NAA11: variants seen among roughly 807,000 people sequenced by gnomAD.
NAA11 encodes N-alpha-acetyltransferase 11.
Under a neutral mutation model 16.1 loss-of-function variants are expected in NAA11, and 15 were observed. That is an observed-to-expected ratio of 0.93 (90% CI 0.62 to 1.44). The LOEUF (loss-of-function observed/expected upper bound fraction) is 1.44. Among genes scored for constraint, NAA11 ranks in the 40% most tolerant of loss-of-function variants. The pLI is 0.00. For missense variants in NAA11, 298 were observed against 291.3 expected (o/e 1.02, Z -0.17); for synonymous variants, 122 against 112.4 (o/e 1.09, Z -0.54).
chr4:79,315,083 T>C (rs895695989), downstream of NAA11, among the ~76,000 whole-genome samples: 3 of 152,018 alleles, frequency 2.0e-5, no homozygotes, highest in African/African-American at 4.8e-5. Context: ...GTCCAAGGGT[T>C]GGAGATGAGC....
intron 2 of NAA11, among the ~76,000 whole-genome samples, chr4:79,270,086 A>G (rs1427286968): frequency 6.6e-6 from 1 of 150,590 alleles, no homozygotes; most frequent in East Asian, 2.0e-4. Flanking sequence ...TACCAGTACC[A>G]TGCTGTTTTG....
the NAA11 span, among the ~76,000 whole-genome samples, chr4:79,189,715 C>T: frequency 6.6e-6 from 1 of 152,186 alleles, no homozygotes; most frequent in African/African-American, 2.4e-5. Flanking sequence ...ACATTGCCAT[C>T]CCCTATCTGA....
chr4:79,227,115 G>A (rs1486226343), intron 2 of NAA11: 19 of 151,952 alleles, frequency 1.3e-4, no homozygotes, highest in Middle Eastern at 3.1e-3. Context: ...TTTAATGATC[G>A]CCATTCTGAC....
At chr4:79,280,853 A>C (rs1722769235) in intron 2 of NAA11, among the ~76,000 whole-genome samples, 1 of 152,052 alleles carries the variant, frequency 6.6e-6, no homozygotes, top group Admixed American at 6.6e-5. Context: ...ATATAAAGAA[A>C]GTTATAGGGA....
At chr4:79,190,097 G>A in the NAA11 span, among the ~76,000 whole-genome samples, 1 of 152,168 alleles carries the variant, frequency 6.6e-6, no homozygotes, top group African/African-American at 2.4e-5. Flanking sequence ...ATTATCATGT[G>A]TAAAGCACTT....
the NAA11 span, among the ~76,000 whole-genome samples, chr4:79,198,869 T>A: frequency 1.3e-5 from 2 of 151,846 alleles, no homozygotes; most frequent in African/African-American, 4.8e-5. Flanking sequence ...ACTTAAAAAA[T>A]TTCATATTCA....
the NAA11 span, among the ~76,000 whole-genome samples, chr4:79,212,344 G>A: frequency 6.6e-6 from 1 of 151,994 alleles, no homozygotes; most frequent in South Asian, 2.1e-4. Flanking sequence ...TTCTCCCAAG[G>A]TCTGTTTTGA....
downstream of NAA11, among the ~76,000 whole-genome samples, chr4:79,224,437 G>A (rs988297106): frequency 4.6e-5 from 7 of 152,074 alleles, no homozygotes; most frequent in African/African-American, 1.7e-4. Context: ...ACGTAATTAC[G>A]TGATGATTGA....
chr4:79,222,715 A>G (rs1282292604), downstream of NAA11, among the ~76,000 whole-genome samples: 4 of 147,894 alleles, frequency 2.7e-5, no homozygotes, highest in Admixed American at 6.8e-5. Context: ...GCAACCTACA[A>G]AATGGGAGAA....
intron 2 of NAA11, among the ~76,000 whole-genome samples, chr4:79,291,853 T>C (rs1723094893): frequency 6.6e-6 from 1 of 152,196 alleles, no homozygotes; most frequent in Non-Finnish European, 1.5e-5. Flanking sequence ...TAGGACATAG[T>C]AATAGTAAAT....
At chr4:79,325,067 TA>T in intron 1 of NAA11, 108 bp downstream of exon 1, 2 of 1,037,624 alleles carry the variant, frequency 1.9e-6, no homozygotes, top group Non-Finnish European at 2.7e-6. Flanking sequence ...GTTTTTACCG[TA>T]AAATCTCGCA....
chr4:79,280,790 G>T (rs1481696769), intron 2 of NAA11, among the ~76,000 whole-genome samples: 1 of 152,002 alleles, frequency 6.6e-6, no homozygotes, highest in Admixed American at 6.6e-5. Flanking sequence ...TAAAATGTGT[G>T]TGCATGAACT....
chr4:79,265,297 T>C (rs1372405597), intron 2 of NAA11, among the ~76,000 whole-genome samples: 2 of 152,168 alleles, frequency 1.3e-5, no homozygotes, highest in African/African-American at 2.4e-5. Flanking sequence ...TCCAAACTGG[T>C]ATTCCTTTTT....
At chr4:79,256,224 C>A (rs557846302) in intron 2 of NAA11, among the ~76,000 whole-genome samples, 5 of 152,098 alleles carry the variant, frequency 3.3e-5, no homozygotes, top group African/African-American at 7.2e-5. Context: ...CAATTTAATT[C>A]TTTTCTCTTA....
the NAA11 span, among the ~76,000 whole-genome samples, chr4:79,188,581 C>T: frequency 2.4e-4 from 35 of 145,932 alleles, 2 homozygotes; most frequent in Admixed American, 1.4e-4. Flanking sequence ...CGAGACTCCG[C>T]CTCAAAAAAA....
chr4:79,325,651 G>T lies in NAA11; in HGVS notation c.227C>A (p.Ala76Asp), dbSNP rs200538315. 4.0e-5 allele frequency: 65 copies of T among 1,613,962 alleles called. No individual in the cohort carries two copies. Among genetic ancestry groups the T allele is most frequent in the Non-Finnish European group, 5.4e-5 (64 of 1,179,956 alleles). Residue 76 changes from alanine to aspartate, a missense_variant, in exon 1 of 2, where the codon GCC becomes GAC. Transcript: ENST00000286794. ...DVPHGHITSL[A>D]VKRSHRRLGL... The stretch of plus-strand genomic sequence containing the variant: ...GAGGCGCCGGTGTGAACGCTTCACG[G>T]CCAGTGAGGTGATATGGCCATGCGG...
At chr4:79,272,953 T>TA (rs1460638744) in intron 2 of NAA11, among the ~76,000 whole-genome samples, 2 of 151,958 alleles carry the variant, frequency 1.3e-5, no homozygotes, top group African/African-American at 4.8e-5. Context: ...TCTACATAGC[T>TA]ACTCTGGGTT....
chr4:79,255,639 T>C (rs893514498), intron 2 of NAA11, among the ~76,000 whole-genome samples: 9 of 152,206 alleles, frequency 5.9e-5, no homozygotes, highest in Non-Finnish European at 1.0e-4. Flanking sequence ...ATTAGTGATA[T>C]AGCTGTGATG....
chr4:79,272,987 G>A (rs1284075775), intron 2 of NAA11, among the ~76,000 whole-genome samples: 2 of 151,872 alleles, frequency 1.3e-5, no homozygotes, highest in Non-Finnish European at 2.9e-5. Context: ...GAGGCCTCAG[G>A]GTAGTAAGGG....
Sources: gnomAD v4.1 joint callset for allele counts (sites outside exome capture counted in the v4.1 genomes callset) on GRCh38, gnomAD v4.1.1 for gene constraint, MANE v1.5 for transcripts, NCBI Gene and HGNC (gene_info 2026-07-23, HGNC 2026-07-21) for gene names.